STAG1: variants seen among roughly 807,000 people sequenced by gnomAD.
STAG1 encodes the protein cohesin subunit SA-1.
STAG1 carries 26 observed loss-of-function variants against 170.9 expected under a neutral mutation model. That is an observed-to-expected ratio of 0.15 (90% CI 0.11 to 0.21). STAG1 has a LOEUF of 0.21. Among genes scored for constraint, STAG1 ranks in the 10% least tolerant of loss-of-function variants. The pLI is 1.00. For synonymous variants in STAG1, 514 were observed against 497.7 expected, an observed-to-expected ratio of 1.03 and a Z score of -0.44; for missense variants, 964 against 1,509.5, an observed-to-expected ratio of 0.64 and a Z score of 5.99.
rs373001512 is a variant in STAG1 at position 136,553,182 on chromosome 3, A to T, written c.395-10987T>A. Among the ~76,000 whole-genome samples the T allele has an allele frequency of 1.6e-4, 24 of 152,292 alleles. No individual in the cohort carries two copies. In the East Asian group the frequency reaches 3.9e-3, roughly 24 times the overall value. On this transcript the variant is annotated intron_variant, in intron 5 of 33. Transcript: ENST00000383202. Reference sequence around the variant, plus strand: ...CAGAAATGAACAATACACTAACTGAAATAAGGCTTAAGGGATTGGCATAGA... The same window carrying T: ...CAGAAATGAACAATACACTAACTGATATAAGGCTTAAGGGATTGGCATAGA...
In STAG1 at chr3:136,472,482, A is replaced by T; in HGVS notation, c.1136T>A (p.Val379Glu). The change falls in exon 12 of 34, where the codon GTA becomes GAA. Residue 379 changes from valine to glutamate, a missense_variant. Coordinates refer to ENST00000383202, the MANE Select transcript of STAG1 (RefSeq NM_005862.3). ...LFTNRFKDRI[V>E]SMTLDKEYDV... The stretch of plus-strand genomic sequence containing the variant: ...ATATTCTTTATCAAGTGTCATTGAT[A>T]CAATGCGATCCTGAGAAAAAAAAGT... 2 of 1,612,266 alleles carry T rather than the reference A, an allele frequency of 1.2e-6. No individual in the cohort carries two copies. Among genetic ancestry groups the T allele is most frequent in the Non-Finnish European group, 1.7e-6 (2 of 1,179,016 alleles).
chr3:136,588,860 T>C (rs1392809103), intron 4 of STAG1, among the ~76,000 whole-genome samples: 1 of 152,190 alleles, frequency 6.6e-6, no homozygotes, highest in African/African-American at 2.4e-5. Flanking sequence ...GCTTCCAGCT[T>C]CAAGCAATTC....
chr3:136,546,158 T>C (rs1936146363), intron 5 of STAG1, among the ~76,000 whole-genome samples: 1 of 152,166 alleles, frequency 6.6e-6, no homozygotes, highest in Non-Finnish European at 1.5e-5. Context: ...GTCCAAAGTA[T>C]TTTCACCATA....
At chr3:136,390,188 G>C (rs1287055495) in intron 22 of STAG1, among the ~76,000 whole-genome samples, 1 of 151,986 alleles carries the variant, frequency 6.6e-6, no homozygotes, top group East Asian at 1.9e-4. Flanking sequence ...CTATATCTAG[G>C]GACTCAGGAA....
chr3:136,519,657 C>T (rs892323847), intron 7 of STAG1, among the ~76,000 whole-genome samples: 9 of 150,848 alleles, frequency 6.0e-5, no homozygotes, highest in Admixed American at 5.3e-4. Context: ...AAAAAAGCAA[C>T]GACCAAATGC....
intron 21 of STAG1, among the ~76,000 whole-genome samples, chr3:136,415,429 T>C (rs1263361538): frequency 6.6e-6 from 1 of 152,206 alleles, no homozygotes; most frequent in Non-Finnish European, 1.5e-5. Context: ...GGGTCAACAG[T>C]AATAAATATT....
chr3:136,586,043 G>T (rs1441839551), intron 4 of STAG1, among the ~76,000 whole-genome samples: 1 of 152,120 alleles, frequency 6.6e-6, no homozygotes, highest in East Asian at 1.9e-4. Flanking sequence ...CTTACTGAGG[G>T]TACATGCAGG....
intron 21 of STAG1, among the ~76,000 whole-genome samples, chr3:136,411,790 A>C (rs578136090): frequency 6.6e-6 from 1 of 152,242 alleles, no homozygotes; most frequent in African/African-American, 2.4e-5. Flanking sequence ...ATCTACCAAT[A>C]CAAAAATTAG....
Position 136,732,718 on chromosome 3 carries a change from G to A in STAG1, c.-84+19477C>T, listed in dbSNP as rs150693365. Among the ~76,000 whole-genome samples, 359 of 151,472 alleles carry A rather than the reference G, an allele frequency of 2.4e-3. 1 individual carries two copies. Among genetic ancestry groups the A allele is most frequent in the Non-Finnish European group, 3.7e-3 (249 of 67,814 alleles). Reference sequence around the variant, plus strand: ...TCTACCTCCCAGTTTCAAGTGATTCGCCTGCCTCAGCCTCTCAAGTAGCTG... The same window carrying A: ...TCTACCTCCCAGTTTCAAGTGATTCACCTGCCTCAGCCTCTCAAGTAGCTG... On this transcript the variant is annotated intron_variant, in intron 1 of 33. Transcript: ENST00000383202.
intron 1 of STAG1, among the ~76,000 whole-genome samples, chr3:136,658,545 A>G (rs1033603701): frequency 1.3e-5 from 2 of 149,980 alleles, no homozygotes; most frequent in Non-Finnish European, 2.9e-5. Flanking sequence ...TACCATAATC[A>G]ATAATTTTTT....
chr3:136,426,062 T>A (rs563140674), intron 16 of STAG1, among the ~76,000 whole-genome samples: 1 of 151,726 alleles, frequency 6.6e-6, no homozygotes, highest in Non-Finnish European at 1.5e-5. Context: ...TATGCAGATT[T>A]TTTTCAATAA....
intron 1 of STAG1, among the ~76,000 whole-genome samples, chr3:136,745,936 A>G (rs778456409): frequency 5.4e-4 from 83 of 152,358 alleles, no homozygotes; most frequent in Non-Finnish European, 9.4e-4. Flanking sequence ...CATGGGCCAC[A>G]GGTTGGACAA....
chr3:136,646,091 C>A lies in STAG1; in HGVS notation c.-83-15110G>T, dbSNP rs185812480. 2.6e-5 allele frequency among the ~76,000 whole-genome samples: 4 copies of A among 152,344 alleles called. No individual in the cohort carries two copies. In the East Asian group the frequency reaches 7.7e-4, roughly 29 times the overall value. On this transcript the variant is annotated intron_variant, in intron 1 of 33. Coordinates refer to ENST00000383202, the MANE Select transcript of STAG1 (RefSeq NM_005862.3). ...TTACACTACCATGGCATCTGCTCCT[C>A]AGTTTCATACACACAGTCTAGGGCT...
At chr3:136,356,012 T>A (rs1444389932) in intron 28 of STAG1, among the ~76,000 whole-genome samples, 1 of 151,876 alleles carries the variant, frequency 6.6e-6, no homozygotes, top group Non-Finnish European at 1.5e-5. Context: ...CCTGTCTCTA[T>A]CATATTACCC....
At chr3:136,466,187 A>G (rs1327711044) in intron 12 of STAG1, among the ~76,000 whole-genome samples, 1 of 152,232 alleles carries the variant, frequency 6.6e-6, no homozygotes, top group East Asian at 1.9e-4. Flanking sequence ...AGAAGGCTAC[A>G]GACGATCAAA....
In STAG1 at chr3:136,542,128, T is replaced by C; in HGVS notation, c.462A>G (p.Glu154=). ...NAEIIRKMTE[E]FDEDSGDYPL... ...TATTGGAATGCTATACCTCATCAAA[T>C]TCTTCAGTCATTTTTCTGATGATTT... Residue 154 remains glutamate (E), a synonymous_variant, in exon 6 of 34, where the codon GAA becomes GAG. Coordinates refer to ENST00000383202, the MANE Select transcript of STAG1 (RefSeq NM_005862.3). 1.2e-6 allele frequency: 2 copies of C among 1,609,440 alleles called. No homozygotes were observed. Among genetic ancestry groups the C allele is most frequent in the Non-Finnish European group, 1.7e-6 (2 of 1,178,484 alleles).
intron 1 of STAG1, among the ~76,000 whole-genome samples, chr3:136,700,237 A>T (rs1303776636): frequency 6.7e-6 from 1 of 148,178 alleles, no homozygotes; most frequent in African/African-American, 2.5e-5. Flanking sequence ...TTATTTCTGG[A>T]TGCTCATGCT....
intron 20 of STAG1, among the ~76,000 whole-genome samples, chr3:136,418,360 C>CAAAAAAAAAAAAAAAAAAAAAA (rs767401141): frequency 6.0e-5 from 3 of 49,748 alleles, no homozygotes; most frequent in East Asian, 1.5e-3. Flanking sequence ...ACTCTGTCTC[C>CAAAAAAAAAAAAAAAAAAAAAA]AAAAAAAAAA....
At chr3:136,388,740 T>C (rs753949903) in intron 22 of STAG1, among the ~76,000 whole-genome samples, 4 of 152,132 alleles carry the variant, frequency 2.6e-5, no homozygotes, top group South Asian at 4.1e-4. Context: ...CTGTTACTTA[T>C]TAGGAAAAAC....
Sources: allele counts gnomAD v4.1 joint callset (sites outside exome capture counted in the v4.1 genomes callset), GRCh38; gene constraint gnomAD v4.1.1; transcripts MANE v1.5; gene names NCBI Gene and HGNC (gene_info 2026-07-23, HGNC 2026-07-21).